The following NOB1 variants were observed in gnomAD, a reference collection of about 807,000 sequenced individuals.
The protein encoded by NOB1 is NIN1 (RPN12) binding protein 1 homolog, also known as RNA-binding protein NOB1.
NOB1 carries 44 observed loss-of-function variants against 44.8 expected under a neutral mutation model. That is an observed-to-expected ratio of 0.98 (90% CI 0.77 to 1.26). The LOEUF (loss-of-function observed/expected upper bound fraction) is 1.26. NOB1 is among the 50% of genes most tolerant of loss of function. NOB1 has a pLI of 0.00. For missense variants in NOB1, 560 were observed against 544.8 expected (o/e 1.03, Z -0.28); for synonymous variants, 238 against 218.7 (o/e 1.09, Z -0.78).
rs1597616794 is a variant in NOB1 at position 69,749,004 on chromosome 16, T to C, written c.640A>G (p.Ile214Val). 6.2e-7 allele frequency: 1 copy of C among 1,614,254 alleles called. No homozygotes were observed. The highest frequency in any genetic ancestry group is 1.1e-5 in the South Asian group (1 of 91,088). ...TCCAGCTCCTGCTGGATCTGCTTGA[T>C]GTTACTGGGGGTTATCCAGCCACCC... is the stretch of plus-strand genomic sequence containing the variant. ...DGGGWITPSN[I>V]KQIQQELEQC... The change falls in exon 6 of 9, where the codon ATC (isoleucine) becomes GTC (valine). Residue 214 changes from isoleucine to valine, a missense_variant. Transcript: ENST00000268802.
chr16:69,749,152 CCA>C lies in NOB1; in HGVS notation c.526-36_526-35del, dbSNP rs377222575. On this transcript the variant is annotated intron_variant, in intron 5 of 8. Coordinates refer to ENST00000268802, the MANE Select transcript of NOB1 (RefSeq NM_014062.3). ...TCAACAGACCTTTCAAACTCCCAAC[CCA>C]CAGGAGCAGTGGAGGAGAAGTTGAG... The C allele has an allele frequency of 3.8e-3, 6,160 of 1,613,956 alleles. 21 individuals are homozygous for C. The highest frequency in any genetic ancestry group is 6.4e-3 in the Middle Eastern group (39 of 6,062).
chr16:69,752,479 A>G, intron 2 of NOB1, 108 bp from the exon 3 acceptor site: 1 of 1,136,510 alleles, frequency 8.8e-7, no homozygotes, highest in Non-Finnish European at 1.3e-6. Context: ...TAATGGAAGT[A>G]TCAAAACAAT....
At chr16:69,749,536 G>A (rs752631454) in intron 4 of NOB1, 23 bp downstream of exon 4, 4 of 1,602,150 alleles carry the variant, frequency 2.5e-6, no homozygotes, top group Middle Eastern at 1.7e-4. Flanking sequence ...AGCATGAACG[G>A]CCTGGCTTGT....
chr16:69,749,185 G>C (rs1040599129), intron 5 of NOB1, 28 bp downstream of exon 5: 3 of 1,612,960 alleles, frequency 1.9e-6, no homozygotes, highest in East Asian at 2.2e-5. Flanking sequence ...TTGAGCTGTC[G>C]TCAGAAGACC....
intron 2 of NOB1, among the ~76,000 whole-genome samples, chr16:69,753,949 G>A (rs1458080063): frequency 6.6e-6 from 1 of 152,148 alleles, no homozygotes; most frequent in African/African-American, 2.4e-5. Context: ...GGGATTACAG[G>A]AGCACACCAC....
chr16:69,743,519 GAGA>G (rs1218631602), intron 8 of NOB1, among the ~76,000 whole-genome samples: 1 of 152,202 alleles, frequency 6.6e-6, no homozygotes, highest in Non-Finnish European at 1.5e-5. Context: ...ACGAAGTCCT[GAGA>G]AGGACACATC....
chr16:69,749,002 G>A lies in NOB1; in HGVS notation c.642C>T (p.Ile214=). The change falls in exon 6 of 9, where the codon ATC becomes ATT. Residue 214 remains isoleucine (I), a synonymous_variant. Transcript: ENST00000268802. ...GCTCCAGCTCCTGCTGGATCTGCTT[G>A]ATGTTACTGGGGGTTATCCAGCCAC... ...DGGGWITPSN[I]KQIQQELEQC... 6.2e-7 allele frequency: 1 copy of A among 1,614,250 alleles called. No individual in the cohort carries two copies. Among genetic ancestry groups the A allele is most frequent in the South Asian group, 1.1e-5 (1 of 91,088 alleles).
At chr16:69,748,811 C>T (rs534587698) in intron 6 of NOB1, 107 bp downstream of exon 6, 4 of 1,063,434 alleles carry the variant, frequency 3.8e-6, no homozygotes, top group Non-Finnish European at 5.3e-6. Context: ...TTTCCAGAAC[C>T]AGGAAAAGAA....
intron 7 of NOB1, among the ~76,000 whole-genome samples, chr16:69,746,136 G>C (rs1597615343): frequency 6.6e-6 from 1 of 152,252 alleles, no homozygotes; most frequent in East Asian, 1.9e-4. Flanking sequence ...CCAAGCCTGA[G>C]TGCTGGGTTA....
intron 6 of NOB1, 99 bp downstream of exon 6, chr16:69,748,819 G>T (rs2038455602): frequency 2.7e-6 from 3 of 1,123,862 alleles, no homozygotes; most frequent in Non-Finnish European, 2.5e-6. Context: ...ACCAGGAAAA[G>T]AAGCGCTGCA....
Position 69,742,087 on chromosome 16 carries a change from T to G in NOB1, c.*245A>C, listed in dbSNP as rs2038385880. On this transcript the variant is annotated 3_prime_UTR_variant, in exon 9 of 9. Transcript: ENST00000268802. ...TTTCTTGAAGATTGGCTCCAGGGCG[T>G]TGTTCTTTCTGTTTTTATGCAATTG... 4.4e-6 allele frequency: 2 copies of G among 455,004 alleles called. No homozygotes were observed. Among genetic ancestry groups the G allele is most frequent in the Non-Finnish European group, 3.9e-6 (1 of 254,882 alleles). The allele number at this position is 455,004 out of a possible 1,614,324, so 28.2% of individuals were successfully genotyped here.
At position 69,742,304 on chromosome 16, in the gene NOB1, A is replaced by G. The variant is rs1462789831; in HGVS notation, c.*28T>C. On this transcript the variant is annotated 3_prime_UTR_variant, in exon 9 of 9. Transcript: ENST00000268802. ...GGAACTCCACGGCGGCCAGACGCCC[A>G]TCCAATTTGCCTGCGGGAACTCGCT... The G allele has an allele frequency of 2.5e-6, 4 of 1,600,774 alleles. No homozygotes were observed. Among genetic ancestry groups the G allele is most frequent in the Non-Finnish European group, 2.6e-6 (3 of 1,170,380 alleles).
intron 3 of NOB1, 105 bp downstream of exon 3, chr16:69,752,136 G>C (rs913672688): frequency 3.5e-5 from 35 of 995,418 alleles, no homozygotes; most frequent in Middle Eastern, 3.3e-4. Context: ...TAATTGGAGG[G>C]GGGGATGATG....
intron 7 of NOB1, 57 bp from the exon 8 acceptor site, chr16:69,745,074 C>T: frequency 6.3e-7 from 1 of 1,596,026 alleles, no homozygotes; most frequent in Non-Finnish European, 8.6e-7. Context: ...AAACGCCTCC[C>T]CAGAGCACAA....
intron 7 of NOB1, among the ~76,000 whole-genome samples, chr16:69,747,849 C>T (rs2038446159): frequency 6.6e-6 from 1 of 152,042 alleles, no homozygotes; most frequent in South Asian, 2.1e-4. Context: ...TCTCTTTAAA[C>T]AAGTCTGTAG....
In NOB1 at chr16:69,749,341, G is replaced by A. The variant is rs1191325343; in HGVS notation, c.400-3C>T. 6.3e-7 allele frequency: 1 copy of A among 1,579,236 alleles called. No homozygotes were observed. Among genetic ancestry groups the A allele is most frequent in the African/African-American group, 1.4e-5 (1 of 72,682 alleles). On this transcript the variant is annotated splice_polypyrimidine_tract_variant and splice_region_variant and intron_variant, in intron 4 of 8. Transcript: ENST00000268802. ...TCTGTTTCTTGTGGGGGTTTAGGCT[G>A]AAATTAAAAGAAACAATTTTAAAAC...
intron 6 of NOB1, among the ~76,000 whole-genome samples, 169 bp from the exon 7 acceptor site, chr16:69,748,498 G>C (rs973948909): frequency 5.3e-5 from 8 of 152,148 alleles, no homozygotes; most frequent in Non-Finnish European, 1.0e-4. Flanking sequence ...GAAGGCCCAG[G>C]TGTCTTTCTA....
chr16:69,749,564 A>G lies in NOB1; in HGVS notation c.394T>C (p.Tyr132His). The change falls in exon 4 of 9, where the codon TAC (tyrosine) becomes CAC (histidine). Residue 132 changes from tyrosine (Y) to histidine (H), a missense_variant. Physicochemically the swap from Tyr to His is moderately conservative, Grantham distance 83. Coordinates refer to ENST00000268802, the MANE Select transcript of NOB1 (RefSeq NM_014062.3). ...TGGCTTGTCTAAGAAATTACCTTGT[A>G]GGGCAGATGGAAACCAGAAATGTGC... is the stretch of plus-strand genomic sequence containing the variant. ...PLHISGFHLP[Y>H]KPKPPQETEK... 5 of 1,613,146 alleles carry G rather than the reference A, an allele frequency of 3.1e-6. No homozygotes were observed. The South Asian group carries it at 5.5e-5, about 18-fold the overall frequency.
intron 3 of NOB1, among the ~76,000 whole-genome samples, chr16:69,749,946 C>T (rs1322118895): frequency 6.6e-6 from 1 of 150,394 alleles, no homozygotes; most frequent in Non-Finnish European, 1.5e-5. Flanking sequence ...CCACTGCACT[C>T]CAGCCTGGGG....
Sources: allele counts gnomAD v4.1 joint callset (sites outside exome capture counted in the v4.1 genomes callset), GRCh38; gene constraint gnomAD v4.1.1; transcripts MANE v1.5; gene names NCBI Gene and HGNC (gene_info 2026-07-23, HGNC 2026-07-21).